SYTL3: variants seen among roughly 807,000 people sequenced by gnomAD.
The protein encoded by SYTL3 is synaptotagmin like 3, also known as synaptotagmin-like protein 3.
A neutral mutation model predicts 82.1 loss-of-function variants in SYTL3; 88 were observed. That is an observed-to-expected ratio of 1.07 (90% CI 0.90 to 1.28). The LOEUF is 1.28. Ranked by LOEUF, SYTL3 falls within the 50% of genes most tolerant of loss-of-function variation. The probability of loss-of-function intolerance (pLI) is 0.00; values close to 1 mark genes in which losing one functional copy is unlikely to be tolerated. For missense variants in SYTL3, 831 were observed against 757.6 expected, an observed-to-expected ratio of 1.10 and a Z score of -1.14; for synonymous variants, 311 against 289.4, an observed-to-expected ratio of 1.07 and a Z score of -0.76.
chr6:158,706,338 G>A (rs1782090605), intron 6 of SYTL3, among the ~76,000 whole-genome samples: 1 of 152,168 alleles, frequency 6.6e-6, no homozygotes, highest in Non-Finnish European at 1.5e-5. Context: ...AACATCACAT[G>A]CTATTTGCCC....
intron 11 of SYTL3, among the ~76,000 whole-genome samples, chr6:158,743,968 G>A (rs970375148): frequency 5.3e-5 from 8 of 152,082 alleles, no homozygotes; most frequent in African/African-American, 1.9e-4. Context: ...GCCCAGGCTG[G>A]AGTGCAGTGG....
At chr6:158,751,372 C>T (rs1415791819) in intron 12 of SYTL3, among the ~76,000 whole-genome samples, 4 of 152,122 alleles carry the variant, frequency 2.6e-5, no homozygotes, top group African/African-American at 9.7e-5. Context: ...TCTTCCTCTC[C>T]GCCTGGATTT....
intron 10 of SYTL3, among the ~76,000 whole-genome samples, chr6:158,724,296 G>A (rs73018220): frequency 0.092 from 13,954 of 152,268 alleles, 843 homozygotes; most frequent in African/African-American, 0.17. Context: ...TAGGAATTAA[G>A]TTGGCATTCT....
intron 12 of SYTL3, among the ~76,000 whole-genome samples, chr6:158,751,225 G>T (rs1440903860): frequency 6.6e-6 from 1 of 151,944 alleles, no homozygotes; most frequent in East Asian, 1.9e-4. Flanking sequence ...AGTAGAGCCT[G>T]TTTCTAGCCT....
upstream of SYTL3, among the ~76,000 whole-genome samples, chr6:158,647,839 T>G (rs1787581367): frequency 6.6e-6 from 1 of 152,272 alleles, no homozygotes; most frequent in Admixed American, 6.5e-5. Flanking sequence ...TGGAGGTTAG[T>G]GATAGGTTGG....
At chr6:158,734,921 AC>A (rs1398348095) in intron 11 of SYTL3, among the ~76,000 whole-genome samples, 1 of 152,196 alleles carries the variant, frequency 6.6e-6, no homozygotes, top group Non-Finnish European at 1.5e-5. Context: ...ATCCCATTTC[AC>A]AAATGAGGAA....
intron 10 of SYTL3, among the ~76,000 whole-genome samples, chr6:158,723,827 G>A (rs777323140): frequency 6.6e-6 from 1 of 152,086 alleles, no homozygotes; most frequent in African/African-American, 2.4e-5. Flanking sequence ...TGGCTCCTCC[G>A]CTGTAGCTTT....
chr6:158,736,711 C>T (rs1229361510), intron 11 of SYTL3, among the ~76,000 whole-genome samples: 3 of 150,646 alleles, frequency 2.0e-5, no homozygotes, highest in East Asian at 3.9e-4. Context: ...ATGCTTGAAC[C>T]TGGGAAGTAG....
intron 6 of SYTL3, among the ~76,000 whole-genome samples, chr6:158,699,554 G>A (rs199939892): frequency 2.0e-5 from 3 of 152,106 alleles, no homozygotes; most frequent in East Asian, 3.9e-4. Context: ...CTTACTCCCC[G>A]CTGCCTCAAT....
intron 6 of SYTL3, among the ~76,000 whole-genome samples, chr6:158,698,290 A>G (rs912123859): frequency 1.3e-5 from 2 of 151,048 alleles, no homozygotes; most frequent in African/African-American, 2.4e-5. Context: ...CCAGCTACAC[A>G]GGAGGCTGAG....
intron 11 of SYTL3, among the ~76,000 whole-genome samples, chr6:158,729,782 G>A (rs547820940): frequency 6.6e-6 from 1 of 151,850 alleles, no homozygotes; most frequent in African/African-American, 2.4e-5. Flanking sequence ...TAGCCAGGAT[G>A]GTCTTGATCT....
intron 10 of SYTL3, among the ~76,000 whole-genome samples, chr6:158,720,084 G>T (rs1783901976): frequency 6.6e-6 from 1 of 151,486 alleles, no homozygotes; most frequent in South Asian, 2.1e-4. Context: ...GTGAAACCCT[G>T]TCTCAAATAA....
intron 12 of SYTL3, among the ~76,000 whole-genome samples, chr6:158,748,042 G>A (rs1787888778): frequency 6.7e-6 from 1 of 149,008 alleles, no homozygotes; most frequent in Non-Finnish European, 1.5e-5. Flanking sequence ...GCACCCAAGG[G>A]TTTAAATACG....
At chr6:158,723,810 C>T (rs894621842) in intron 10 of SYTL3, among the ~76,000 whole-genome samples, 1 of 152,230 alleles carries the variant, frequency 6.6e-6, no homozygotes, top group Admixed American at 6.5e-5. Context: ...CTGGCTTTTC[C>T]AGCCTCTGGC....
Position 158,764,569 on chromosome 6 carries a change from A to G in SYTL3, c.1798A>G (p.Asn600Asp). 1 of 1,614,134 alleles carries G rather than the reference A, an allele frequency of 6.2e-7. No individual in the cohort carries two copies. The highest frequency in any genetic ancestry group is 8.5e-7 in the Non-Finnish European group (1 of 1,179,996). The change falls in exon 18 of 18, where the codon AAT becomes GAT. Residue 600 changes from asparagine to aspartate, a missense_variant. Transcript: ENST00000611299. Reference protein sequence around the residue: ...LQWQKVLSSPNLWTDMTLVLH With the variant: ...LQWQKVLSSPDLWTDMTLVLH ...GTGGCAGAAAGTCCTTTCCAGCCCC[A>G]ATCTATGGACAGACATGACTCTTGT... is the stretch of plus-strand genomic sequence containing the variant.
At chr6:158,742,975 C>T (rs922494927) in intron 11 of SYTL3, among the ~76,000 whole-genome samples, 3 of 152,160 alleles carry the variant, frequency 2.0e-5, no homozygotes, top group Non-Finnish European at 4.4e-5. Context: ...TCTCGGTACT[C>T]GTGGATTTGC....
At chr6:158,751,133 C>T (rs1355939351) in intron 12 of SYTL3, among the ~76,000 whole-genome samples, 1 of 152,030 alleles carries the variant, frequency 6.6e-6, no homozygotes. Flanking sequence ...AAAAGCTTAA[C>T]CTAGGGGGAA....
intron 10 of SYTL3, 99 bp from the exon 11 acceptor site, chr6:158,725,404 G>A: frequency 7.3e-7 from 1 of 1,377,560 alleles, no homozygotes; most frequent in South Asian, 1.3e-5. Flanking sequence ...TTGCATGTTA[G>A]TAACATCAAG....
intron 2 of SYTL3, among the ~76,000 whole-genome samples, chr6:158,657,519 A>G (rs1788838297): frequency 6.6e-6 from 1 of 152,110 alleles, no homozygotes; most frequent in South Asian, 2.1e-4. Flanking sequence ...AACAAAACAA[A>G]AAACCTGAAA....
Sources: allele counts gnomAD v4.1 joint callset (sites outside exome capture counted in the v4.1 genomes callset), GRCh38; gene constraint gnomAD v4.1.1; transcripts MANE v1.5; gene names NCBI Gene and HGNC (gene_info 2026-07-23, HGNC 2026-07-21).